The following MPP3 variants were observed in gnomAD, a reference collection of about 807,000 sequenced individuals.
The protein encoded by MPP3 is MAGUK p55 scaffold protein 3, also known as MAGUK p55 subfamily member 3.
MPP3 carries 48 observed loss-of-function variants against 80.7 expected under a neutral mutation model. That is an observed-to-expected ratio of 0.59 (90% confidence interval 0.47 to 0.76). MPP3 has a LOEUF of 0.76. Among genes scored for constraint, MPP3 ranks in the 30% least tolerant of loss-of-function variants. MPP3 has a pLI of 0.00. For missense variants in MPP3, 620 were observed against 763.0 expected (o/e 0.81, Z 2.21); for synonymous variants, 311 against 297.6 (o/e 1.04, Z -0.46).
rs1029498726 is a variant in MPP3, at chr17:43,811,398, C to A, written c.1256-193G>T. 5.1e-6 allele frequency: 3 copies of A among 584,414 alleles called. No individual in the cohort carries two copies. The Admixed American group carries it at 8.9e-5, about 17-fold the overall frequency. The allele number at this position is 584,414 out of a possible 1,614,324, so 36.2% of individuals were successfully genotyped here. On this transcript the variant is annotated intron_variant, in intron 16 of 19. Coordinates refer to ENST00000398389, the MANE Select transcript of MPP3 (RefSeq NM_001932.6). Reference sequence around the variant, plus strand: ...CGTATCACTGATTCACACAACAACTCTTTGATGTAGGCAAAAGGAGGCTTT... The same window carrying A: ...CGTATCACTGATTCACACAACAACTATTTGATGTAGGCAAAAGGAGGCTTT...
Position 43,831,283 on chromosome 17 carries a change from T to G in MPP3, c.183A>C (p.Pro61=). ...CCACAGCGCTGTGCAGAACTGGGGT[T>G]GGACTTTGCCTTTCATAATAGCGAA... is the stretch of plus-strand genomic sequence containing the variant. ...EKLRYYERQS[P]TPVLHSAVAL... Residue 61 remains proline (P), a synonymous_variant, in exon 5 of 20, where the codon CCA becomes CCC. Coordinates refer to ENST00000398389, the MANE Select transcript of MPP3 (RefSeq NM_001932.6). 1 of 1,614,064 alleles carries G rather than the reference T, an allele frequency of 6.2e-7. No individual in the cohort carries two copies. Among genetic ancestry groups the G allele is most frequent in the Non-Finnish European group, 8.5e-7 (1 of 1,180,022 alleles).
chr17:43,819,491 G>A (rs945501637), intron 11 of MPP3, among the ~76,000 whole-genome samples: 1 of 152,218 alleles, frequency 6.6e-6, no homozygotes, highest in Non-Finnish European at 1.5e-5. Flanking sequence ...TCCTGGATGA[G>A]GGCGCAGCCT....
At chr17:43,824,586 G>C (rs1014136874) in intron 9 of MPP3, among the ~76,000 whole-genome samples, 1 of 152,052 alleles carries the variant, frequency 6.6e-6, no homozygotes, top group Non-Finnish European at 1.5e-5. Context: ...AAGGAAGAAT[G>C]CAGTCGGACC....
At chr17:43,815,435 C>CA (rs544772445) in intron 14 of MPP3, among the ~76,000 whole-genome samples, 2 of 152,136 alleles carry the variant, frequency 1.3e-5, no homozygotes, top group South Asian at 4.2e-4. Context: ...CCCATCTCTA[C>CA]AAAAAAAATT....
At chr17:43,805,293 G>C (rs1446007927) in intron 19 of MPP3, among the ~76,000 whole-genome samples, 1 of 152,186 alleles carries the variant, frequency 6.6e-6, no homozygotes, top group Non-Finnish European at 1.5e-5. Flanking sequence ...CCTACTAGTA[G>C]TGCTATGATT....
At chr17:43,802,366 C>G (rs2044446437) in intron 19 of MPP3, among the ~76,000 whole-genome samples, 2 of 152,218 alleles carry the variant, frequency 1.3e-5, no homozygotes, top group Admixed American at 1.3e-4. Context: ...AGAAATCATT[C>G]TAATGCCCTC....
At chr17:43,811,036 C>A in intron 17 of MPP3, 76 bp downstream of exon 17, 1 of 1,485,552 alleles carries the variant, frequency 6.7e-7, no homozygotes, top group South Asian at 1.1e-5. Flanking sequence ...GGGAGTCCTC[C>A]CAGGAGCTCT....
Position 43,827,775 on chromosome 17 carries a change from G to A in MPP3, c.499C>T (p.Arg167Ter), listed in dbSNP as rs1006865692. The A allele has an allele frequency of 3.1e-6, 5 of 1,612,322 alleles. No homozygotes were observed. The highest frequency in any genetic ancestry group is 3.3e-5 in the Admixed American group (2 of 60,008). The change falls in exon 8 of 20, where the codon CGA becomes TGA. Residue 167 changes from arginine (R) to a stop codon, truncating the protein, a stop_gained. Transcript: ENST00000398389. LOFTEE classifies it high-confidence loss of function. ...SGAVVVARIM[R>*]GGAADRSGLV... ...CCGCTCCTGTCTGCTGCGCCTCCTC[G>A]CATGATCCTGGCCACCACAACAGCC... is the stretch of plus-strand genomic sequence containing the variant.
chr17:43,818,133 G>A, intron 11 of MPP3, 23 bp from the exon 12 acceptor site: 1 of 1,491,950 alleles, frequency 6.7e-7, no homozygotes, highest in Non-Finnish European at 9.0e-7. Flanking sequence ...AAGGGGATGG[G>A]CGGGCCCGTG....
At chr17:43,820,603 A>AATACACAC (rs2045396270) in intron 11 of MPP3, among the ~76,000 whole-genome samples, 1 of 127,558 alleles carries the variant, frequency 7.8e-6, no homozygotes, top group Non-Finnish European at 1.6e-5. Context: ...AAAAAAAAAA[A>AATACACAC]ATACACACAC....
rs1268098140 is a variant in MPP3, at chr17:43,818,070, G to T, written c.922C>A (p.Pro308Thr). The T allele has an allele frequency of 6.3e-7, 1 of 1,576,840 alleles. No individual in the cohort carries two copies. The highest frequency in any genetic ancestry group is 8.6e-7 in the Non-Finnish European group (1 of 1,160,610). ...YRRAAGTLPS[P>T]QSLRKPPYDQ... ...CAGGGGGGCTTCCTGAGGCTCTGGG[G>T]GCTCGGCAGGGTGCCCGCGGCTCTC... The change falls in exon 12 of 20, where the codon CCC becomes ACC. Residue 308 changes from proline to threonine, a missense_variant. Physicochemically the swap from Pro to Thr is conservative, Grantham distance 38 (BLOSUM62 -1). Coordinates refer to ENST00000398389, the MANE Select transcript of MPP3 (RefSeq NM_001932.6).
At position 43,815,435 on chromosome 17, in the gene MPP3, CA is replaced by C. The variant is rs544772445; in HGVS notation, c.1009+602del. Among the ~76,000 whole-genome samples, 29 of 152,136 alleles carry C rather than the reference CA, an allele frequency of 1.9e-4. 1 individual carries two copies. The highest frequency in any genetic ancestry group is 3.4e-4 in the Non-Finnish European group (23 of 67,972). ...GCAACATAGCGAGACCCCATCTCTA[CA>C]AAAAAAATTTTTTTAATCAGCTGGG... is the stretch of plus-strand genomic sequence containing the variant. On this transcript the variant is annotated intron_variant, in intron 14 of 19. Transcript: ENST00000398389.
In MPP3 at chr17:43,800,944, C is replaced by G. The variant is rs1466207387; in HGVS notation, c.*757G>C. 1 of 152,110 alleles carries G rather than the reference C, an allele frequency of 6.6e-6. No homozygotes were observed. Among genetic ancestry groups the G allele is most frequent in the Non-Finnish European group, 1.5e-5 (1 of 68,054 alleles). The allele number at this position is 152,110 out of a possible 1,614,324, so 9.4% of individuals were successfully genotyped here. A position where few individuals can be genotyped will look rare whatever the true frequency, so the allele number is the denominator to read the frequency against. Reference sequence around the variant, plus strand: ...CCTATGATCTCATGGCAGGGACTGGCTAGGACCAAGGCAACTGTCAGTAAC... The same window carrying G: ...CCTATGATCTCATGGCAGGGACTGGGTAGGACCAAGGCAACTGTCAGTAAC... On this transcript the variant is annotated 3_prime_UTR_variant, in exon 20 of 20. Coordinates refer to ENST00000398389, the MANE Select transcript of MPP3 (RefSeq NM_001932.6).
Position 43,814,206 on chromosome 17 carries a change from C to T in MPP3, c.1165G>A (p.Val389Ile), listed in dbSNP as rs774660263. 1 of 1,613,374 alleles carries T rather than the reference C, an allele frequency of 6.2e-7. No individual in the cohort carries two copies. Among genetic ancestry groups the T allele is most frequent in the East Asian group, 2.2e-5 (1 of 44,862 alleles). Reference sequence around the variant, plus strand: ...CCAGGATGGCACCTACCGATCAGAACCACCAGGCGGGGCCGCTCTCCGGGC... The same window carrying T: ...CCAGGATGGCACCTACCGATCAGAATCACCAGGCGGGGCCGCTCTCCGGGC... Reference protein sequence around the residue: ...HQPGERPRLVVLIGSLGARLH... With the variant: ...HQPGERPRLVILIGSLGARLH... The change falls in exon 15 of 20, where the codon GTT (valine) becomes ATT (isoleucine). Residue 389 changes from valine (V) to isoleucine (I), a missense_variant. By Grantham distance (29) the Val-to-Ile change is conservative. Coordinates refer to ENST00000398389, the MANE Select transcript of MPP3 (RefSeq NM_001932.6).
rs1265202630 is a variant in MPP3 at position 43,814,024 on chromosome 17, G to A, written c.1242C>T (p.Gly414=). 1.2e-6 allele frequency: 2 copies of A among 1,612,674 alleles called. No individual in the cohort carries two copies. Among genetic ancestry groups the A allele is most frequent in the Middle Eastern group, 1.7e-4 (1 of 6,056 alleles). The change falls in exon 16 of 20, where the codon GGC becomes GGT. Residue 414 remains glycine (G), a synonymous_variant. Transcript: ENST00000398389. ...KVVAENPQHF[G]VAVPHTTRPR... is the part of the protein sequence containing the mutation. ...GGGCCCTCTTACGTGGAACAGCGAC[G>A]CCAAAGTGCTGTGGGTTCTCAGCCA...
Position 43,814,991 on chromosome 17 carries a change from C to T in MPP3, c.1010-630G>A, listed in dbSNP as rs1392675393. Among the ~76,000 whole-genome samples the T allele has an allele frequency of 4.6e-5, 7 of 152,174 alleles. No homozygotes were observed. The East Asian group carries it at 1.2e-3, about 25-fold the overall frequency. On this transcript the variant is annotated intron_variant, in intron 14 of 19. Transcript: ENST00000398389. ...TCTGGGTGTGGAGTATATGAGAGTT[C>T]TTTGTATAATTCTTACACCTTTTCA...
chr17:43,802,623 A>G (rs914401873), intron 19 of MPP3, among the ~76,000 whole-genome samples: 5 of 152,238 alleles, frequency 3.3e-5, no homozygotes, highest in African/African-American at 1.2e-4. Context: ...AGAACCTCTA[A>G]TAAGTATTAT....
chr17:43,807,780 A>T (rs2044680981), intron 19 of MPP3, among the ~76,000 whole-genome samples: 1 of 151,650 alleles, frequency 6.6e-6, no homozygotes, highest in Admixed American at 6.6e-5. Flanking sequence ...ACACAGAGAC[A>T]CCCTGTCTCT....
At chr17:43,826,828 A>T (rs1011296999) in intron 8 of MPP3, among the ~76,000 whole-genome samples, 17 of 126,240 alleles carry the variant, frequency 1.3e-4, no homozygotes, top group Admixed American at 9.1e-4. Flanking sequence ...ATATATATAT[A>T]TATTTTTTTT....
Sources: allele counts gnomAD v4.1 joint callset (sites outside exome capture counted in the v4.1 genomes callset), GRCh38; gene constraint gnomAD v4.1.1; transcripts MANE v1.5; gene names NCBI Gene and HGNC (gene_info 2026-07-23, HGNC 2026-07-21).